RGS7: variants seen among roughly 807,000 people sequenced by gnomAD.
The protein encoded by RGS7 is regulator of G protein signaling 7, also known as regulator of G-protein signaling 7.
In RGS7, 27 loss-of-function variants were observed where a neutral mutation model predicts 81.1. That is an observed-to-expected ratio of 0.33 (90% CI 0.25 to 0.46). The LOEUF (loss-of-function observed/expected upper bound fraction) is 0.46, where lower values mean the gene tolerates loss of function less well. RGS7 is among the 20% of genes least tolerant of loss of function. RGS7 has a pLI of 1.00. For missense variants in RGS7, 396 were observed against 607.4 expected (o/e 0.65, Z 3.66); for synonymous variants, 208 against 207.7 (o/e 1.00, Z -0.01).
chr1:241,046,308 C>CA lies in RGS7; in HGVS notation c.175+52357_175+52358insT, dbSNP rs1558642864. On this transcript the variant is annotated intron_variant, in intron 3 of 18. Coordinates refer to ENST00000440928, the MANE Select transcript of RGS7 (RefSeq NM_001364886.1). Reference sequence around the variant, plus strand: ...GGGTAGTTTTTCAGCCCTGACCCCCCCCCCCTTTTCTAGTCATCCCCAATG... The same window carrying CA: ...GGGTAGTTTTTCAGCCCTGACCCCCCACCCCCTTTTCTAGTCATCCCCAATG... 4.5e-4 allele frequency among the ~76,000 whole-genome samples: 7 copies of CA among 15,656 alleles called. No individual in the cohort carries two copies. In the South Asian group the frequency reaches 0.039, roughly 87 times the overall value. 10.3% of individuals were successfully genotyped at this position (15,656 alleles called of 152,430 possible).
chr1:241,016,641 C>T (rs998419057), intron 3 of RGS7, among the ~76,000 whole-genome samples: 1 of 151,994 alleles, frequency 6.6e-6, no homozygotes, highest in Non-Finnish European at 1.5e-5. Context: ...TAATCTATAT[C>T]AATTTAGGGA....
At chr1:240,889,851 T>A (rs1212612147) in intron 6 of RGS7, among the ~76,000 whole-genome samples, 1 of 152,138 alleles carries the variant, frequency 6.6e-6, no homozygotes, top group Non-Finnish European at 1.5e-5. Flanking sequence ...CTGGCCCTGT[T>A]CTTGTAGTGT....
chr1:241,186,444 A>G, intron 2 of RGS7: 1 of 943,298 alleles, frequency 1.1e-6, no homozygotes, highest in Non-Finnish European at 1.3e-6. Flanking sequence ...TTTTTTTTCT[A>G]GCATTTTTAC....
chr1:241,100,191 C>T (rs373917976), intron 2 of RGS7, among the ~76,000 whole-genome samples: 4 of 150,146 alleles, frequency 2.7e-5, no homozygotes, highest in Non-Finnish European at 5.9e-5. Flanking sequence ...CTGGCTAACA[C>T]GGTGAAACCC....
intron 13 of RGS7, 23 bp from the exon 14 acceptor site, chr1:240,812,066 A>G: frequency 6.2e-7 from 1 of 1,613,992 alleles, no homozygotes; most frequent in Non-Finnish European, 8.5e-7. Context: ...AAACAAAGGC[A>G]AATACATTCC....
rs545154219 is a variant in RGS7 at position 240,863,754 on chromosome 1, AACCGTTTTAAAAT to A, written c.609+4820_609+4832del. On this transcript the variant is annotated intron_variant, in intron 9 of 18. Transcript: ENST00000440928. Reference sequence around the variant, plus strand: ...TAAAAACAGCAAAAGGATATGTGAAAACCGTTTTAAAATACCATTTTAAAATACAACAAGACAC... The same window carrying A: ...TAAAAACAGCAAAAGGATATGTGAAAACCATTTTAAAATACAACAAGACAC... Among the ~76,000 whole-genome samples, 470 of 152,284 alleles carry A rather than the reference AACCGTTTTAAAAT, an allele frequency of 3.1e-3. 3 individuals are homozygous for A. The highest frequency in any genetic ancestry group is 0.01 in the African/African-American group (434 of 41,558).
intron 3 of RGS7, among the ~76,000 whole-genome samples, chr1:241,096,406 C>G (rs1447502083): frequency 3.9e-5 from 6 of 151,940 alleles, no homozygotes; most frequent in Non-Finnish European, 8.8e-5. Flanking sequence ...CTGATAAGTG[C>G]TAGACATAAT....
At chr1:241,331,006 A>C (rs1423882145) in intron 2 of RGS7, among the ~76,000 whole-genome samples, 1 of 152,178 alleles carries the variant, frequency 6.6e-6, no homozygotes. Context: ...ATTTAGCTTG[A>C]CTTTTCCATG....
rs374790901 is a variant in RGS7, at chr1:240,796,530, C to T, written c.*6+4111G>A. ...GTGAAACCCCATCTCTACTAAAATA[C>T]AAAAAATTAGCCGGGAGTGTTGGCG... On this transcript the variant is annotated intron_variant, in intron 18 of 18. Coordinates refer to ENST00000440928, the MANE Select transcript of RGS7 (RefSeq NM_001364886.1). 9.9e-5 allele frequency among the ~76,000 whole-genome samples: 15 copies of T among 152,198 alleles called. No homozygotes were observed. In the South Asian group the frequency reaches 2.5e-3, roughly 25 times the overall value.
At chr1:240,908,567 C>G (rs1159950981) in intron 6 of RGS7, among the ~76,000 whole-genome samples, 1 of 152,090 alleles carries the variant, frequency 6.6e-6, no homozygotes, top group Non-Finnish European at 1.5e-5. Flanking sequence ...CTGACACTGT[C>G]AAAACCCTCT....
At chr1:240,983,931 A>G (rs2148561520) in intron 3 of RGS7, among the ~76,000 whole-genome samples, 1 of 152,362 alleles carries the variant, frequency 6.6e-6, no homozygotes, top group East Asian at 1.9e-4. Context: ...AGAAGAGACA[A>G]GAGAGGTCTG....
chr1:240,925,951 C>T (rs1024487807), intron 6 of RGS7, among the ~76,000 whole-genome samples: 3 of 152,066 alleles, frequency 2.0e-5, no homozygotes, highest in Admixed American at 6.6e-5. Context: ...GCTCATGTCC[C>T]TTGCCCACTT....
At chr1:241,040,414 T>C (rs12743938) in intron 3 of RGS7, among the ~76,000 whole-genome samples, 27,727 of 152,124 alleles carry the variant, frequency 0.18, 2,863 homozygotes, top group Non-Finnish European at 0.23. Flanking sequence ...CAAGGTTCTC[T>C]TACAAGGAGC....
intron 3 of RGS7, among the ~76,000 whole-genome samples, chr1:240,994,781 A>C (rs1020661721): frequency 7.9e-5 from 12 of 151,978 alleles, no homozygotes; most frequent in Non-Finnish European, 1.6e-4. Context: ...AAGTAAACTT[A>C]TTATTATTAC....
At chr1:241,307,854 A>C (rs973470698) in intron 2 of RGS7, among the ~76,000 whole-genome samples, 1 of 152,200 alleles carries the variant, frequency 6.6e-6, no homozygotes, top group South Asian at 2.1e-4. Context: ...CCCAAGCTCC[A>C]TAACATTGGG....
intron 2 of RGS7, among the ~76,000 whole-genome samples, chr1:241,100,043 TA>T (rs201399669): frequency 1.3e-5 from 2 of 151,864 alleles, no homozygotes; most frequent in Admixed American, 6.6e-5. Flanking sequence ...AGTAAACAGT[TA>T]AAAAAAACAC....
At chr1:240,960,073 T>G (rs1013325114) in intron 4 of RGS7, among the ~76,000 whole-genome samples, 1 of 151,552 alleles carries the variant, frequency 6.6e-6, no homozygotes, top group Non-Finnish European at 1.5e-5. Flanking sequence ...GGCTTGAGCC[T>G]GGGAGGTGAA....
intron 2 of RGS7, among the ~76,000 whole-genome samples, chr1:241,156,939 T>G (rs1213904489): frequency 6.6e-6 from 1 of 152,188 alleles, no homozygotes; most frequent in African/African-American, 2.4e-5. Flanking sequence ...TTACCAAGGA[T>G]CCTTTTTAAT....
chr1:240,852,499 T>C (rs1363151295), intron 9 of RGS7, among the ~76,000 whole-genome samples: 1 of 152,208 alleles, frequency 6.6e-6, no homozygotes, highest in East Asian at 1.9e-4. Flanking sequence ...CTCCAAGGTA[T>C]GCCTCTACTA....
Sources: allele counts gnomAD v4.1 joint callset (sites outside exome capture counted in the v4.1 genomes callset), GRCh38; gene constraint gnomAD v4.1.1; transcripts MANE v1.5; gene names NCBI Gene and HGNC (gene_info 2026-07-23, HGNC 2026-07-21).